PSMC4: variants seen among roughly 807,000 people sequenced by gnomAD.
PSMC4 encodes proteasome 26S subunit, ATPase 4.
In PSMC4, 13 loss-of-function variants were observed where a neutral mutation model predicts 48.4. The observed-to-expected ratio is 0.27, with a 90% CI of 0.18 to 0.43. The LOEUF is 0.43. PSMC4 is among the 20% of genes least tolerant of loss of function. The pLI, the probability that PSMC4 is intolerant of heterozygous loss-of-function variation, is 1.00. For synonymous variants in PSMC4, 202 were observed against 212.3 expected (o/e 0.95, Z 0.42); for missense variants, 262 against 555.9 (o/e 0.47, Z 5.32).
In PSMC4 at chr19:39,980,982, C is replaced by G. The variant is rs111746191; in HGVS notation, c.1144-210C>G. 0.055 allele frequency among the ~76,000 whole-genome samples: 8,401 copies of G among 151,758 alleles called. 387 individuals are homozygous for G. The highest frequency in any genetic ancestry group is 0.18 in the East Asian group (913 of 5,150). ...CAGTGATCCTCCCACCTCAGCCTCC[C>G]AAGTAGCTGGGATTACAGGCGCCCA... On this transcript the variant is annotated intron_variant, in intron 10 of 10. Coordinates refer to ENST00000157812, the MANE Select transcript of PSMC4 (RefSeq NM_006503.4). The surrounding 1 kb of genome is among the most constrained non-coding windows in gnomAD (Gnocchi z 4.8).
Position 39,974,245 on chromosome 19 carries a change from G to T in PSMC4, c.323-49G>T. 1 of 1,604,312 alleles carries T rather than the reference G, an allele frequency of 6.2e-7. No homozygotes were observed. Among genetic ancestry groups the T allele is most frequent in the Non-Finnish European group, 8.5e-7 (1 of 1,173,994 alleles). On this transcript the variant is annotated intron_variant, in intron 3 of 10. Coordinates refer to ENST00000157812, the MANE Select transcript of PSMC4 (RefSeq NM_006503.4). This position sits in a 1 kb window ranked among gnomAD's most constrained non-coding sequence, Gnocchi z 5.5. ...GATTAGGAGGGAGGAAGGGGGAAGG[G>T]GCAGTTTCCAGGCTGACACTTCTCG...
chr19:39,979,878 C>T lies in PSMC4; in HGVS notation c.735C>T (p.Arg245=). The T allele has an allele frequency of 6.2e-7, 1 of 1,614,138 alleles. No individual in the cohort carries two copies. Among genetic ancestry groups the T allele is most frequent in the Non-Finnish European group, 8.5e-7 (1 of 1,180,022 alleles). The change falls in exon 7 of 11, where the codon CGC becomes CGT. Residue 245 remains arginine (R), a synonymous_variant. Coordinates refer to ENST00000157812, the MANE Select transcript of PSMC4 (RefSeq NM_006503.4). ...FVQKYLGEGP[R]MVRDVFRLAK... The stretch of plus-strand genomic sequence containing the variant: ...AGAAGTATCTGGGTGAGGGCCCCCG[C>T]ATGGTCCGGGATGTGTTCCGCCTGG...
chr19:39,979,954 G>A lies in PSMC4; in HGVS notation c.811G>A (p.Ala271Thr). The change falls in exon 7 of 11, where the codon GCC (alanine) becomes ACC (threonine). Residue 271 changes from alanine (A) to threonine (T), a missense_variant. Ala to Thr is a moderately conservative substitution (Grantham distance 58). Transcript: ENST00000157812. ...IIFIDEIDAI[A>T]TKRFDAQTGA... ...CTTCATAGACGAGATTGATGCCATC[G>A]CCACCAAGAGATTCGATGCTCAGAC... 2 of 1,614,008 alleles carry A rather than the reference G, an allele frequency of 1.2e-6. No individual in the cohort carries two copies. Among genetic ancestry groups the A allele is most frequent in the Non-Finnish European group, 1.7e-6 (2 of 1,179,980 alleles).
At chr19:39,971,363 TC>T (rs1971098081) in intron 1 of PSMC4, 125 bp downstream of exon 1, 1 of 1,155,578 alleles carries the variant, frequency 8.7e-7, no homozygotes, top group African/African-American at 1.5e-5. Context: ...TTTAGAGGCC[TC>T]GGTGGAGAGC....
Position 39,974,351 on chromosome 19 carries a change from A to G in PSMC4, c.380A>G (p.Asn127Ser). The change falls in exon 4 of 11, where the codon AAC (asparagine) becomes AGC (serine). Residue 127 changes from asparagine to serine, a missense_variant. Coordinates refer to ENST00000157812, the MANE Select transcript of PSMC4 (RefSeq NM_006503.4). The surrounding 1 kb of genome is among the most constrained non-coding windows in gnomAD (Gnocchi z 5.5). ...ATCGATCGGGAGCTGCTCAAGCCCA[A>G]CGCCTCAGTGGCCCTCCACAAGCAC... Reference protein sequence around the residue: ...STIDRELLKPNASVALHKHSN... With the variant: ...STIDRELLKPSASVALHKHSN... The G allele has an allele frequency of 1.2e-6, 2 of 1,614,130 alleles. No homozygotes were observed. Among genetic ancestry groups the G allele is most frequent in the South Asian group, 1.1e-5 (1 of 91,068 alleles).
At chr19:39,975,302 A>G (rs1450511831) in intron 6 of PSMC4, among the ~76,000 whole-genome samples, 1 of 151,998 alleles carries the variant, frequency 6.6e-6, no homozygotes, top group Non-Finnish European at 1.5e-5. Flanking sequence ...ATTTTTTTGT[A>G]GAGATAGGGT....
At chr19:39,972,287 T>A in intron 2 of PSMC4, 43 bp downstream of exon 2, 3 of 1,610,158 alleles carry the variant, frequency 1.9e-6, no homozygotes, top group Non-Finnish European at 2.5e-6. Flanking sequence ...GGACCTGACA[T>A]CTCATACTCT....
rs1416829484 is a variant in PSMC4, at chr19:39,972,473, G to A, written c.240G>A (p.Lys80=). 1.2e-6 allele frequency: 2 copies of A among 1,614,172 alleles called. No homozygotes were observed. Among genetic ancestry groups the A allele is most frequent in the Admixed American group, 1.7e-5 (1 of 60,028 alleles). The change falls in exon 3 of 11, where the codon AAG becomes AAA. Residue 80 remains lysine (K), a synonymous_variant. Transcript: ENST00000157812. ...KEFLHAQEEV[K]RIQSIPLVIG... is the part of the protein sequence containing the mutation. ...TTCTCCATGCCCAGGAGGAGGTGAA[G>A]CGAATCCAAAGCATCCCGCTGGTCA... is the stretch of plus-strand genomic sequence containing the variant.
chr19:39,981,042 A>G, intron 10 of PSMC4, 150 bp from the exon 11 acceptor site: 1 of 634,738 alleles, frequency 1.6e-6, no homozygotes, highest in Non-Finnish European at 2.8e-6. Flanking sequence ...TTTTTTGTAG[A>G]GACAGGGTTT....
rs1263548384 is a variant in PSMC4 at position 39,981,307 on chromosome 19, C to T, written c.*2C>T. 1 of 1,605,308 alleles carries T rather than the reference C, an allele frequency of 6.2e-7. No homozygotes were observed. The highest frequency in any genetic ancestry group is 2.2e-5 in the East Asian group (1 of 44,844). The stretch of plus-strand genomic sequence containing the variant: ...CAGGAGCATGAGTTTTACAAGTGAC[C>T]CTTCCCTTCCCTCCACCACACCACT... On this transcript the variant is annotated 3_prime_UTR_variant, in exon 11 of 11. Transcript: ENST00000157812.
In PSMC4 at chr19:39,974,744, G is replaced by A. The variant is rs754861365; in HGVS notation, c.589G>A (p.Asp197Asn). The change falls in exon 6 of 11, where the codon GAT (aspartate) becomes AAT (asparagine). Residue 197 changes from aspartate to asparagine, a missense_variant. This residue lies in a region of PSMC4 where 131 missense variants were observed against 276.7 expected (regional missense o/e 0.47). Coordinates refer to ENST00000157812, the MANE Select transcript of PSMC4 (RefSeq NM_006503.4). This position sits in a 1 kb window ranked among gnomAD's most constrained non-coding sequence, Gnocchi z 5.5. ...HFELYKQIGI[D>N]PPRGVLMYGP... ...TTCCTCTGGGTTTCAGATCGGCATC[G>A]ATCCCCCCCGAGGCGTCCTCATGTA... 4.3e-6 allele frequency: 7 copies of A among 1,614,044 alleles called. No homozygotes were observed. The highest frequency in any genetic ancestry group is 1.3e-5 in the African/African-American group (1 of 75,026).
In PSMC4 at chr19:39,974,709, C is replaced by T. The variant is rs1014119179; in HGVS notation, c.580-26C>T. The T allele has an allele frequency of 6.2e-7, 1 of 1,613,244 alleles. No homozygotes were observed. Among genetic ancestry groups the T allele is most frequent in the Non-Finnish European group, 8.5e-7 (1 of 1,179,216 alleles). On this transcript the variant is annotated intron_variant, in intron 5 of 10. Transcript: ENST00000157812. This position sits in a 1 kb window ranked among gnomAD's most constrained non-coding sequence, Gnocchi z 5.5. ...TTGGAGGTGGAACCCCTGACTCCCA[C>T]TTCTCTTCCTTCCTCTGGGTTTCAG...
rs916916120 is a variant in PSMC4, at chr19:39,974,221, A to G, written c.323-73A>G. The G allele has an allele frequency of 7.6e-6, 12 of 1,569,578 alleles. No homozygotes were observed. In the African/African-American group the frequency reaches 1.6e-4, roughly 21 times the overall value. On this transcript the variant is annotated intron_variant, in intron 3 of 10. Transcript: ENST00000157812. The surrounding 1 kb of genome is among the most constrained non-coding windows in gnomAD (Gnocchi z 5.5). ...GAACCAGAGATGTTGGGGTGTGGAG[A>G]TTAGGAGGGAGGAAGGGGGAAGGGG... is the stretch of plus-strand genomic sequence containing the variant.
chr19:39,971,200 A>G lies in PSMC4; in HGVS notation c.-3A>G, dbSNP rs754706942. 3 of 1,613,920 alleles carry G rather than the reference A, an allele frequency of 1.9e-6. No homozygotes were observed. The highest frequency in any genetic ancestry group is 2.5e-6 in the Non-Finnish European group (3 of 1,179,866). The stretch of plus-strand genomic sequence containing the variant: ...AGGCCACACAGAGGCCGGCTTGGTC[A>G]CTATGGAGGAGATAGGCATCTTGGT... On this transcript the variant is annotated 5_prime_UTR_variant, in exon 1 of 11. Transcript: ENST00000157812.
chr19:39,976,168 C>T lies in PSMC4; in HGVS notation c.673+1340C>T, dbSNP rs1434304184. ...AGGAGAATGGTGTGAACCCAGGAGG[C>T]GGAGCTTGCAGTGAGCCCAGATCAC... On this transcript the variant is annotated intron_variant, in intron 6 of 10. Transcript: ENST00000157812. Among the ~76,000 whole-genome samples, 3 of 150,386 alleles carry T rather than the reference C, an allele frequency of 2.0e-5. No homozygotes were observed. The East Asian group carries it at 5.9e-4, about 30-fold the overall frequency.
At position 39,974,464 on chromosome 19, in the gene PSMC4, G is replaced by A; in HGVS notation, c.469+24G>A. 6.2e-7 allele frequency: 1 copy of A among 1,613,698 alleles called. No individual in the cohort carries two copies. Among genetic ancestry groups the A allele is most frequent in the Non-Finnish European group, 8.5e-7 (1 of 1,179,712 alleles). On this transcript the variant is annotated intron_variant, in intron 4 of 10. Transcript: ENST00000157812. The surrounding 1 kb of genome is among the most constrained non-coding windows in gnomAD (Gnocchi z 5.5). The stretch of plus-strand genomic sequence containing the variant: ...AGGTAAAGGGGGAGCCTGCAGCTGG[G>A]AGGGCCCCATGGGGACCTTGAGGAC...
intron 6 of PSMC4, among the ~76,000 whole-genome samples, chr19:39,975,570 G>A (rs1045721299): frequency 6.6e-6 from 1 of 152,070 alleles, no homozygotes; most frequent in Admixed American, 6.6e-5. Context: ...TATGTTTTCT[G>A]GGGCTAGACT....
intron 3 of PSMC4, among the ~76,000 whole-genome samples, chr19:39,972,803 T>C (rs1971125155): frequency 6.6e-6 from 1 of 152,018 alleles, no homozygotes. Context: ...TGGAGTGCAA[T>C]GGCATGATCT....
intron 6 of PSMC4, among the ~76,000 whole-genome samples, chr19:39,976,113 T>A (rs981882546): frequency 2.0e-5 from 3 of 151,818 alleles, no homozygotes; most frequent in African/African-American, 7.3e-5. Context: ...GGCGGTCGCC[T>A]GTAGTCCCAG....
Sources: allele counts gnomAD v4.1 joint callset (sites outside exome capture counted in the v4.1 genomes callset), GRCh38; gene constraint gnomAD v4.1.1; regional missense constraint gnomAD v4.1.1; non-coding constraint Gnocchi (gnomAD v3.1); transcripts MANE v1.5; gene names NCBI Gene and HGNC (gene_info 2026-07-23, HGNC 2026-07-21).